The following PML variants were observed in gnomAD, a reference collection of about 807,000 sequenced individuals.
PML encodes protein PML.
In PML, 28 loss-of-function variants were observed where a neutral mutation model predicts 65.2. The observed-to-expected ratio is 0.43, with a 90% CI of 0.32 to 0.59. The LOEUF is 0.59. PML is among the 20% of genes least tolerant of loss of function. The pLI, the probability that PML is intolerant of heterozygous loss-of-function variation, is 0.08. For missense variants in PML, 1,021 were observed against 1,203.4 expected (o/e 0.85, Z 2.24); for synonymous variants, 500 against 508.8 (o/e 0.98, Z 0.23).
At position 74,001,351 on chromosome 15, in the gene PML, T is replaced by A. The variant is rs1595878492; in HGVS notation, c.602+2875T>A. Among the ~76,000 whole-genome samples, 13 of 63,614 alleles carry A rather than the reference T, an allele frequency of 2.0e-4. No homozygotes were observed. The South Asian group carries it at 7.0e-3, about 34-fold the overall frequency. The allele number at this position is 63,614 out of a possible 152,430, so 41.7% of individuals were successfully genotyped here. ...ATCTTTATTGTTTAATAATAATAAC[T>A]TTTTTTTTTTTGAGAATCTCCCTCT... On this transcript the variant is annotated intron_variant, in intron 2 of 8. Coordinates refer to ENST00000268058, the MANE Select transcript of PML (RefSeq NM_033238.3).
chr15:74,023,350 CTTCGACGAG>C lies in PML; in HGVS notation c.1129_1137del (p.Asp377_Phe379del), dbSNP rs1444693418. On this transcript the variant is annotated inframe_deletion, in exon 3 of 9. Coordinates refer to ENST00000268058, the MANE Select transcript of PML (RefSeq NM_033238.3). ...TGCAAGCTGCCGTGCGCACCGATGG[CTTCGACGAG>C]TTCAAGGTGCGCCTGCAGGACCTCA... The C allele has an allele frequency of 1.2e-6, 2 of 1,602,960 alleles. No homozygotes were observed. The highest frequency in any genetic ancestry group is 3.3e-5 in the Admixed American group (2 of 59,992).
chr15:74,003,026 G>A (rs1200095235), intron 2 of PML, among the ~76,000 whole-genome samples: 3 of 152,078 alleles, frequency 2.0e-5, no homozygotes, highest in Admixed American at 2.0e-4. Flanking sequence ...TTCGGGAGGT[G>A]GAGGTATTCC....
At chr15:74,010,375 G>A (rs2070276140) in intron 2 of PML, among the ~76,000 whole-genome samples, 1 of 151,166 alleles carries the variant, frequency 6.6e-6, no homozygotes. Flanking sequence ...ACAAGCTTTT[G>A]GCATAGTGGT....
At chr15:73,995,076 C>A (rs2069407012) in intron 1 of PML, 135 bp downstream of exon 1, 1 of 817,676 alleles carries the variant, frequency 1.2e-6, no homozygotes, top group African/African-American at 1.7e-5. Context: ...GTCCAGACAC[C>A]AGGGTCCTGA....
At position 74,045,491 on chromosome 15, in the gene PML, T is replaced by C. The variant is rs1212117582; in HGVS notation, c.*483T>C. The C allele has an allele frequency of 4.2e-5, 10 of 239,736 alleles. No homozygotes were observed. In the East Asian group the frequency reaches 6.0e-4, roughly 14 times the overall value. The allele number at this position is 239,736 out of a possible 1,614,324, so 14.9% of individuals were successfully genotyped here. Reference sequence around the variant, plus strand: ...ACTCAAAGTGCCTTCCAAACCAAACTGCCCCTCATGAGGTTAGGGTCCCCC... The same window carrying C: ...ACTCAAAGTGCCTTCCAAACCAAACCGCCCCTCATGAGGTTAGGGTCCCCC... On this transcript the variant is annotated 3_prime_UTR_variant, in exon 9 of 9. Coordinates refer to ENST00000268058, the MANE Select transcript of PML (RefSeq NM_033238.3).
At position 74,043,479 on chromosome 15, in the gene PML, C is replaced by T. The variant is rs1354923145; in HGVS notation, c.1861+340C>T. 1 of 1,036,646 alleles carries T rather than the reference C, an allele frequency of 9.6e-7. No homozygotes were observed. The highest frequency in any genetic ancestry group is 1.3e-6 in the Non-Finnish European group (1 of 765,662). 64.2% of individuals were successfully genotyped at this position (1,036,646 alleles called of 1,614,324 possible). A position where few individuals can be genotyped will look rare whatever the true frequency, so the allele number is the denominator to read the frequency against. On this transcript the variant is annotated intron_variant, in intron 8 of 8. Coordinates refer to ENST00000268058, the MANE Select transcript of PML (RefSeq NM_033238.3). This position sits in a 1 kb window ranked among gnomAD's most constrained non-coding sequence, Gnocchi z 4.3. ...AGCTCATTGCCGTGAGCCCTGTCAT[C>T]CAAGTAAGGCCTCTGGCTGTGCTAC...
At chr15:74,024,685 A>G (rs936563437) in intron 3 of PML, among the ~76,000 whole-genome samples, 172 bp from the exon 4 acceptor site, 1 of 152,124 alleles carries the variant, frequency 6.6e-6, no homozygotes, top group Non-Finnish European at 1.5e-5. Context: ...TGCATTCGAG[A>G]GAGCTCTCCT....
At chr15:74,010,399 C>G (rs2070277297) in intron 2 of PML, among the ~76,000 whole-genome samples, 1 of 150,936 alleles carries the variant, frequency 6.6e-6, no homozygotes, top group Non-Finnish European at 1.5e-5. Context: ...CGCCTGTAGT[C>G]CCAGCTACTA....
intron 4 of PML, among the ~76,000 whole-genome samples, chr15:74,029,148 TACAG>T (rs913427754): frequency 6.6e-6 from 1 of 152,196 alleles, no homozygotes; most frequent in African/African-American, 2.4e-5. Flanking sequence ...TCGACTTCTC[TACAG>T]CCTCACCAAC....
intron 2 of PML, among the ~76,000 whole-genome samples, chr15:74,019,065 G>T (rs752530971): frequency 6.6e-6 from 1 of 152,202 alleles, no homozygotes; most frequent in South Asian, 2.1e-4. Flanking sequence ...TCTTACCAGA[G>T]GGCTGGGGGC....
rs377318611 is a variant in PML, at chr15:74,044,297, C to T, written c.1938C>T (p.Phe646=). 2 of 1,614,028 alleles carry T rather than the reference C, an allele frequency of 1.2e-6. No homozygotes were observed. Among genetic ancestry groups the T allele is most frequent in the African/African-American group, 2.7e-5 (2 of 74,918 alleles). ...TGGTCATCCAGCCTGAAGCCTTCTT[C>T]AGCATCTACTCCAAGGCCGTGTCCC... ...FRVVIQPEAF[F]SIYSKAVSLE... is the part of the protein sequence containing the mutation. The change falls in exon 9 of 9, where the codon TTC becomes TTT. Residue 646 remains phenylalanine (F), a synonymous_variant. Coordinates refer to ENST00000268058, the MANE Select transcript of PML (RefSeq NM_033238.3).
Position 74,043,248 on chromosome 15 carries a change from CCAA to C in PML, c.1861+114_1861+116del. 1 of 1,599,326 alleles carries C rather than the reference CCAA, an allele frequency of 6.3e-7. No individual in the cohort carries two copies. Among genetic ancestry groups the C allele is most frequent in the South Asian group, 1.1e-5 (1 of 89,816 alleles). On this transcript the variant is annotated intron_variant, in intron 8 of 8. Coordinates refer to ENST00000268058, the MANE Select transcript of PML (RefSeq NM_033238.3). This position sits in a 1 kb window ranked among gnomAD's most constrained non-coding sequence, Gnocchi z 4.3. ...GGCCCAGGAGAGCTCTGAGCTCTGG[CCAA>C]CAACTGCAGCCAGGCTGGGCAGAGC...
At chr15:74,008,993 C>T (rs1287329361) in intron 2 of PML, among the ~76,000 whole-genome samples, 1 of 152,184 alleles carries the variant, frequency 6.6e-6, no homozygotes, top group African/African-American at 2.4e-5. Context: ...AAGGGAGCCT[C>T]ATGAGTACAC....
At chr15:74,012,717 A>G (rs1567124353) in intron 2 of PML, among the ~76,000 whole-genome samples, 1 of 152,218 alleles carries the variant, frequency 6.6e-6, no homozygotes, top group Non-Finnish European at 1.5e-5. Flanking sequence ...TTTTGGTTCC[A>G]TGTCAATAGG....
At position 74,036,433 on chromosome 15, in the gene PML, G is replaced by A. The variant is rs994344444; in HGVS notation, c.1710+1903G>A. On this transcript the variant is annotated intron_variant, in intron 7 of 8. Coordinates refer to ENST00000268058, the MANE Select transcript of PML (RefSeq NM_033238.3). ...TTATTCCACGACCATCGCGTTCTCC[G>A]ATGGATCCAGCTCCTCCCTGCAGGC... The A allele has an allele frequency of 3.9e-6, 5 of 1,281,664 alleles. No individual in the cohort carries two copies. The African/African-American group carries it at 4.5e-5, about 11-fold the overall frequency. 79.4% of individuals were successfully genotyped at this position (1,281,664 alleles called of 1,614,324 possible).
At position 74,037,652 on chromosome 15, in the gene PML, T is replaced by C; in HGVS notation, c.1710+3122T>C. 1.0e-6 allele frequency: 1 copy of C among 985,136 alleles called. No homozygotes were observed. Among genetic ancestry groups the C allele is most frequent in the South Asian group, 4.7e-5 (1 of 21,270 alleles). 61.0% of individuals were successfully genotyped at this position (985,136 alleles called of 1,614,324 possible). ...CTGTGCCTCTAGGTGCAGTGTCGCG[T>C]TTAGTCGTTATTATTCTTGACCGGC... On this transcript the variant is annotated intron_variant, in intron 7 of 8. Transcript: ENST00000268058. This position sits in a 1 kb window ranked among gnomAD's most constrained non-coding sequence, Gnocchi z 4.2.
In PML at chr15:74,035,886, C is replaced by T. The variant is rs756279904; in HGVS notation, c.1710+1356C>T. The T allele has an allele frequency of 6.2e-6, 10 of 1,613,658 alleles. 1 individual carries two copies. In the South Asian group the frequency reaches 9.9e-5, roughly 16 times the overall value. Reference sequence around the variant, plus strand: ...GGAAGCCTCTCCAATTACATTCCCACCACCCTGTGCCCCAGAAAGGCCCCC... The same window carrying T: ...GGAAGCCTCTCCAATTACATTCCCATCACCCTGTGCCCCAGAAAGGCCCCC... On this transcript the variant is annotated intron_variant, in intron 7 of 8. Coordinates refer to ENST00000268058, the MANE Select transcript of PML (RefSeq NM_033238.3). This position sits in a 1 kb window ranked among gnomAD's most constrained non-coding sequence, Gnocchi z 4.1.
intron 4 of PML, among the ~76,000 whole-genome samples, chr15:74,031,052 T>C (rs952112479): frequency 4.6e-5 from 7 of 152,008 alleles, no homozygotes; most frequent in Admixed American, 2.0e-4. Context: ...ACTTTCATAA[T>C]CTTGCACAGC....
In PML at chr15:74,035,290, C is replaced by G; in HGVS notation, c.1710+760C>G. 2 of 1,613,336 alleles carry G rather than the reference C, an allele frequency of 1.2e-6. No individual in the cohort carries two copies. Among genetic ancestry groups the G allele is most frequent in the Non-Finnish European group, 1.7e-6 (2 of 1,179,960 alleles). On this transcript the variant is annotated intron_variant, in intron 7 of 8. Coordinates refer to ENST00000268058, the MANE Select transcript of PML (RefSeq NM_033238.3). The surrounding 1 kb of genome is among the most constrained non-coding windows in gnomAD (Gnocchi z 4.1). ...TCTCTGCTGAGAGCACAAGGAGCCT[C>G]CAGCCTGCCCTGTGGCACATACCAC...
Sources: gnomAD v4.1 joint callset for allele counts (sites outside exome capture counted in the v4.1 genomes callset) on GRCh38, gnomAD v4.1.1 for gene constraint, Gnocchi (gnomAD v3.1) non-coding constraint, MANE v1.5 for transcripts, NCBI Gene and HGNC (gene_info 2026-07-23, HGNC 2026-07-21) for gene names.